GRM7: variants seen among roughly 807,000 people sequenced by gnomAD.
GRM7 encodes the protein glutamate metabotropic receptor 7.
In GRM7, 35 loss-of-function variants were observed where a neutral mutation model predicts 84.5. The observed-to-expected ratio is 0.41, with a 90% CI of 0.32 to 0.55. GRM7 has a LOEUF of 0.55. GRM7 is among the 20% of genes least tolerant of loss of function. The pLI is 0.19. For synonymous variants in GRM7, 487 were observed against 455.1 expected (o/e 1.07, Z -0.89); for missense variants, 1,003 against 1,194.6 (o/e 0.84, Z 2.36).
chr3:7,051,564 A>G (rs17046720), intron 1 of GRM7, among the ~76,000 whole-genome samples: 2,737 of 151,916 alleles, frequency 0.018, 85 homozygotes, highest in African/African-American at 0.063. Context: ...TTTTAACTCA[A>G]ATTACTGATG....
At chr3:6,941,244 G>A (rs773905401) in intron 1 of GRM7, among the ~76,000 whole-genome samples, 2 of 152,130 alleles carry the variant, frequency 1.3e-5, no homozygotes, top group Non-Finnish European at 2.9e-5. Flanking sequence ...CTCTGCTTTA[G>A]GTATACGACT....
At chr3:6,962,501 C>T (rs1220701419) in intron 1 of GRM7, among the ~76,000 whole-genome samples, 2 of 152,038 alleles carry the variant, frequency 1.3e-5, no homozygotes, top group Non-Finnish European at 2.9e-5. Flanking sequence ...AAAGATAAAA[C>T]CTGAGGAACA....
At chr3:7,572,284 T>C (rs1694704014) in intron 7 of GRM7, among the ~76,000 whole-genome samples, 1 of 152,218 alleles carries the variant, frequency 6.6e-6, no homozygotes, top group Non-Finnish European at 1.5e-5. Context: ...CTAATGCCTA[T>C]TTCTTGCCCC....
chr3:7,175,734 C>T (rs1049027454), intron 2 of GRM7, among the ~76,000 whole-genome samples: 5 of 152,038 alleles, frequency 3.3e-5, no homozygotes, highest in South Asian at 2.1e-4. Context: ...GACATGGTTT[C>T]ACCATGTTGG....
intron 7 of GRM7, among the ~76,000 whole-genome samples, chr3:7,471,129 A>G (rs1458756283): frequency 1.3e-5 from 2 of 151,968 alleles, no homozygotes; most frequent in African/African-American, 4.8e-5. Flanking sequence ...TTGAAAATGA[A>G]TAGTGAAAAC....
chr3:7,178,109 G>A (rs925794866), intron 2 of GRM7, among the ~76,000 whole-genome samples: 4 of 152,126 alleles, frequency 2.6e-5, no homozygotes, highest in African/African-American at 4.8e-5. Context: ...CAAGGTGAAA[G>A]CAAGACTTCT....
At chr3:7,259,949 A>ATTTTTTTTTTTTTTTTTTTTTTTT (rs1698349793) in intron 2 of GRM7, among the ~76,000 whole-genome samples, 1 of 12,438 alleles carries the variant, frequency 8.0e-5, no homozygotes, top group African/African-American at 7.8e-4. Context: ...CCTTACCAGC[A>ATTTTTTTTTTTTTTTTTTTTTTTT]TCTGTTTTTT....
At chr3:7,503,409 C>T (rs1559366294) in intron 7 of GRM7, among the ~76,000 whole-genome samples, 1 of 151,676 alleles carries the variant, frequency 6.6e-6, no homozygotes, top group Non-Finnish European at 1.5e-5. Context: ...CACACACTTT[C>T]TCAGGATTTG....
intron 2 of GRM7, among the ~76,000 whole-genome samples, chr3:7,171,880 A>G (rs890162647): frequency 6.6e-6 from 1 of 152,214 alleles, no homozygotes; most frequent in Non-Finnish European, 1.5e-5. Context: ...CACAGTTTAA[A>G]GCATTCTCTC....
chr3:7,515,390 A>G (rs1347519731), intron 7 of GRM7, among the ~76,000 whole-genome samples: 2 of 152,158 alleles, frequency 1.3e-5, no homozygotes, highest in African/African-American at 4.8e-5. Flanking sequence ...ATCAAATACC[A>G]GGAGCACTGC....
At chr3:7,265,693 G>A (rs1047000537) in intron 2 of GRM7, among the ~76,000 whole-genome samples, 1 of 152,202 alleles carries the variant, frequency 6.6e-6, no homozygotes, top group African/African-American at 2.4e-5. Flanking sequence ...AGAGATTAAA[G>A]AGTATGAGGG....
At chr3:7,661,363 G>A (rs549307091) in intron 8 of GRM7, among the ~76,000 whole-genome samples, 7 of 152,084 alleles carry the variant, frequency 4.6e-5, no homozygotes, top group Admixed American at 2.0e-4. Context: ...ATCACCAGTC[G>A]TTAGAAAAAC....
chr3:7,703,385 C>T (rs577622221), intron 9 of GRM7, among the ~76,000 whole-genome samples: 25 of 151,804 alleles, frequency 1.6e-4, no homozygotes, highest in Admixed American at 2.6e-4. Flanking sequence ...GGGTCCTCAT[C>T]GATGTTCTTA....
chr3:7,536,355 T>A (rs768191823), intron 7 of GRM7, among the ~76,000 whole-genome samples: 3 of 152,142 alleles, frequency 2.0e-5, no homozygotes, highest in African/African-American at 4.8e-5. Context: ...AGGAAGCAAC[T>A]TGGAATTGTC....
At chr3:6,926,571 G>T (rs547391171) in intron 1 of GRM7, among the ~76,000 whole-genome samples, 9 of 152,172 alleles carry the variant, frequency 5.9e-5, no homozygotes, top group Non-Finnish European at 1.2e-4. Context: ...GGATAATCTG[G>T]TGATATTGAG....
At chr3:7,667,620 T>A (rs1699755384) in intron 8 of GRM7, among the ~76,000 whole-genome samples, 1 of 151,682 alleles carries the variant, frequency 6.6e-6, no homozygotes, top group Non-Finnish European at 1.5e-5. Flanking sequence ...TTTCTAAGAA[T>A]TTTTTTTTCC....
intron 6 of GRM7, among the ~76,000 whole-genome samples, chr3:7,460,595 C>T (rs2124906534): frequency 6.6e-6 from 1 of 152,180 alleles, no homozygotes; most frequent in African/African-American, 2.4e-5. Context: ...AGCCTATAGA[C>T]AGATAGCAGT....
At chr3:7,292,758 C>T (rs866031363) in intron 2 of GRM7, among the ~76,000 whole-genome samples, 5 of 150,472 alleles carry the variant, frequency 3.3e-5, no homozygotes, top group Middle Eastern at 6.9e-3. Context: ...AGGCTGGACG[C>T]GGTGGCTCAC....
intron 8 of GRM7, among the ~76,000 whole-genome samples, chr3:7,585,223 C>A (rs1217063967): frequency 6.6e-6 from 1 of 152,164 alleles, no homozygotes; most frequent in Non-Finnish European, 1.5e-5. Flanking sequence ...ACGTTCCCAT[C>A]AGAAGCCTAT....
Sources: allele counts gnomAD v4.1 joint callset (sites outside exome capture counted in the v4.1 genomes callset), GRCh38; gene constraint gnomAD v4.1.1; transcripts MANE v1.5; gene names NCBI Gene and HGNC (gene_info 2026-07-23, HGNC 2026-07-21).